The following PRDM2 variants were observed in gnomAD, a reference collection of about 807,000 sequenced individuals.
PRDM2 encodes the protein PR domain zinc finger protein 2.
A neutral mutation model predicts 130.0 loss-of-function variants in PRDM2; 30 were observed. That is an observed-to-expected ratio of 0.23 (90% CI 0.17 to 0.31). The LOEUF (loss-of-function observed/expected upper bound fraction) is 0.31, where lower values mean the gene tolerates loss of function less well. Ranked by LOEUF, PRDM2 falls within the 10% of genes least tolerant of loss-of-function variation. The pLI, the probability that PRDM2 is intolerant of heterozygous loss-of-function variation, is 1.00. For missense variants in PRDM2, 2,011 were observed against 2,108.4 expected (o/e 0.95, Z 0.90); for synonymous variants, 871 against 782.4 (o/e 1.11, Z -1.89).
intron 1 of PRDM2, chr1:13,705,370 A>G (rs559156378): frequency 6.6e-6 from 1 of 152,238 alleles, no homozygotes; most frequent in Admixed American, 6.5e-5. Context: ...CATGGCAGTT[A>G]TTGTTGAGAG....
At chr1:13,762,186 C>T (rs758270850) in intron 6 of PRDM2, among the ~76,000 whole-genome samples, 15 of 152,224 alleles carry the variant, frequency 9.9e-5, no homozygotes, top group African/African-American at 1.4e-4. Context: ...ACAACAGTAT[C>T]CGATCAGTAT....
chr1:13,788,097 T>G, intron 8 of PRDM2: 1 of 965,710 alleles, frequency 1.0e-6, no homozygotes, highest in Middle Eastern at 5.3e-4. Context: ...AAGGACTGCA[T>G]TTTGTACATA....
chr1:13,737,050 C>G (rs1643295311), intron 4 of PRDM2, among the ~76,000 whole-genome samples: 1 of 152,222 alleles, frequency 6.6e-6, no homozygotes, highest in Non-Finnish European at 1.5e-5. Context: ...TCTTCGCTAT[C>G]TCAGTTCTTC....
At chr1:13,730,355 C>G (rs1021207611) in intron 2 of PRDM2, among the ~76,000 whole-genome samples, 1 of 152,112 alleles carries the variant, frequency 6.6e-6, no homozygotes, top group African/African-American at 2.4e-5. Flanking sequence ...TAAAAAAATT[C>G]TCTGTTTCTT....
intron 6 of PRDM2, among the ~76,000 whole-genome samples, chr1:13,757,119 G>A (rs1168382985): frequency 4.6e-5 from 7 of 152,258 alleles, no homozygotes; most frequent in Non-Finnish European, 1.0e-4. Context: ...CTATGATTAA[G>A]TGAAGTGTTT....
At chr1:13,800,797 T>G (rs1644994632) in intron 8 of PRDM2, among the ~76,000 whole-genome samples, 1 of 151,542 alleles carries the variant, frequency 6.6e-6, no homozygotes, top group African/African-American at 2.4e-5. Context: ...GAAGGAGGGT[T>G]GGGGGGGGTC....
In PRDM2 at chr1:13,712,203, G is replaced by A. The variant is rs181909813; in HGVS notation, c.-65-3338G>A. Among the ~76,000 whole-genome samples, 8 of 152,204 alleles carry A rather than the reference G, an allele frequency of 5.3e-5. No homozygotes were observed. The East Asian group carries it at 1.5e-3, about 29-fold the overall frequency. ...TGTGCCATTGCAGTCCAGCCTGGGT[G>A]AGAGAGTACTACACCATCTCCAGAA... is the stretch of plus-strand genomic sequence containing the variant. On this transcript the variant is annotated intron_variant, in intron 1 of 9. Coordinates refer to ENST00000311066, the MANE Select transcript of PRDM2 (RefSeq NM_001393986.1).
At chr1:13,700,911 C>A (rs1363998504) in intron 1 of PRDM2, among the ~76,000 whole-genome samples, 1 of 152,158 alleles carries the variant, frequency 6.6e-6, no homozygotes, top group Non-Finnish European at 1.5e-5. Context: ...AGACGTGCAA[C>A]TCTGTTACTA....
intron 1 of PRDM2, among the ~76,000 whole-genome samples, chr1:13,701,895 T>A (rs1642082801): frequency 6.6e-6 from 1 of 152,252 alleles, no homozygotes; most frequent in African/African-American, 2.4e-5. Flanking sequence ...TTTCTTTAAT[T>A]GAAAGGTTGG....
intron 8 of PRDM2, among the ~76,000 whole-genome samples, chr1:13,809,503 G>A (rs1469048173): frequency 6.6e-6 from 1 of 152,212 alleles, no homozygotes; most frequent in East Asian, 1.9e-4. Flanking sequence ...CCAAGAACAG[G>A]AGCAGGGTGG....
chr1:13,730,762 T>C (rs1643075291), intron 2 of PRDM2, among the ~76,000 whole-genome samples: 1 of 152,170 alleles, frequency 6.6e-6, no homozygotes, highest in African/African-American at 2.4e-5. Context: ...CACAGGTGGC[T>C]GGAACAAAAT....
chr1:13,786,498 G>A (rs752954771), intron 8 of PRDM2: 1 of 1,610,496 alleles, frequency 6.2e-7, no homozygotes, highest in South Asian at 1.1e-5. Flanking sequence ...TTTATCTTCA[G>A]TTTTCTTATT....
At chr1:13,737,208 A>G (rs934804855) in intron 4 of PRDM2, among the ~76,000 whole-genome samples, 1 of 152,140 alleles carries the variant, frequency 6.6e-6, no homozygotes, top group Non-Finnish European at 1.5e-5. Flanking sequence ...AGGGAAATCC[A>G]ACCTGCCACC....
In PRDM2 at chr1:13,766,080, C is replaced by T. The variant is rs1244536903; in HGVS notation, c.512-6998C>T. 3.3e-5 allele frequency among the ~76,000 whole-genome samples: 5 copies of T among 152,156 alleles called. No homozygotes were observed. In the South Asian group the frequency reaches 6.2e-4, roughly 19 times the overall value. ...TCATTCTTACCTGAAGTGCAGGTGACGGAGATGACCTTCAAGGCTCTTTTT... is the reference window on the plus strand; with the variant it reads ...TCATTCTTACCTGAAGTGCAGGTGATGGAGATGACCTTCAAGGCTCTTTTT... On this transcript the variant is annotated intron_variant, in intron 6 of 9. Coordinates refer to ENST00000311066, the MANE Select transcript of PRDM2 (RefSeq NM_001393986.1).
intron 8 of PRDM2, chr1:13,788,089 G>A (rs1407719184): frequency 2.1e-6 from 2 of 969,600 alleles, no homozygotes; most frequent in Non-Finnish European, 2.5e-6. Context: ...ATCTGTGAAA[G>A]GACTGCATTT....
intron 1 of PRDM2, among the ~76,000 whole-genome samples, chr1:13,700,635 C>A (rs549051302): frequency 1.1e-3 from 172 of 151,780 alleles, no homozygotes; most frequent in Non-Finnish European, 2.0e-3. Context: ...CAGAGACTGG[C>A]CGGGTGCGGG....
Position 13,803,830 on chromosome 1 carries a change from TG to T in PRDM2, c.5037-12593del, listed in dbSNP as rs1041439373. Among the ~76,000 whole-genome samples, 14 of 152,116 alleles carry T rather than the reference TG, an allele frequency of 9.2e-5. No homozygotes were observed. The highest frequency in any genetic ancestry group is 3.4e-4 in the African/African-American group (14 of 41,418). On this transcript the variant is annotated intron_variant, in intron 8 of 9. Coordinates refer to ENST00000311066, the MANE Select transcript of PRDM2 (RefSeq NM_001393986.1). The surrounding 1 kb of genome is among the most constrained non-coding windows in gnomAD (Gnocchi z 6.2). ...ATTTAGAGTTCAACCCAAACAGGTT[TG>T]GGGAATTCATGGCCTCTGAGGACCT...
In PRDM2 at chr1:13,779,571, G is replaced by A. The variant is rs61747662; in HGVS notation, c.1776G>A (p.Ser592=). 2.5e-3 allele frequency: 4,013 copies of A among 1,614,000 alleles called. 77 individuals carry two copies. In the African/African-American group the frequency reaches 0.047, roughly 19 times the overall value. ...NCDVIEMESA[S]ADLYGINCLL... is the part of the protein sequence containing the mutation. Reference sequence around the variant, plus strand: ...ATGTGATTGAGATGGAGTCTGCTTCGGCAGATTTGTATGGTATAAATTGTC... The same window carrying A: ...ATGTGATTGAGATGGAGTCTGCTTCAGCAGATTTGTATGGTATAAATTGTC... Residue 592 remains serine (S), a synonymous_variant, in exon 8 of 10, where the codon TCG becomes TCA. Coordinates refer to ENST00000311066, the MANE Select transcript of PRDM2 (RefSeq NM_001393986.1). This position sits in a 1 kb window ranked among gnomAD's most constrained non-coding sequence, Gnocchi z 4.9.
At chr1:13,758,461 AAAAAG>A (rs1171922335) in intron 6 of PRDM2, among the ~76,000 whole-genome samples, 1 of 151,896 alleles carries the variant, frequency 6.6e-6, no homozygotes, top group Admixed American at 6.6e-5. Flanking sequence ...AAAAAAAAAA[AAAAAG>A]TAAGTAGTTA....
Sources: allele counts gnomAD v4.1 joint callset (sites outside exome capture counted in the v4.1 genomes callset), GRCh38; gene constraint gnomAD v4.1.1; non-coding constraint Gnocchi (gnomAD v3.1); transcripts MANE v1.5; gene names NCBI Gene and HGNC (gene_info 2026-07-23, HGNC 2026-07-21).